Variants in SORCS1 observed in about 807,000 individuals in gnomAD.
The protein encoded by SORCS1 is sortilin related VPS10 domain containing receptor 1.
SORCS1 carries 60 observed loss-of-function variants against 146.1 expected under a neutral mutation model. The observed-to-expected ratio is 0.41, with a 90% CI of 0.33 to 0.51. The LOEUF is 0.51. SORCS1 is among the 20% of genes least tolerant of loss of function. SORCS1 has a pLI of 0.21. For synonymous variants in SORCS1, 637 were observed against 584.0 expected (o/e 1.09, Z -1.31); for missense variants, 1,352 against 1,487.6 (o/e 0.91, Z 1.50).
intron 3 of SORCS1, among the ~76,000 whole-genome samples, chr10:106,806,597 G>T (rs1456827901): frequency 1.5e-5 from 2 of 131,922 alleles, no homozygotes; most frequent in Admixed American, 8.8e-5. Context: ...GTCACTGCAA[G>T]CTCTGCCTCC....
intron 2 of SORCS1, among the ~76,000 whole-genome samples, chr10:106,951,335 C>A (rs982769199): frequency 1.3e-5 from 2 of 151,930 alleles, no homozygotes; most frequent in African/African-American, 2.4e-5. Context: ...CATGGTGAAA[C>A]CCCGTCTCTA....
At position 106,903,008 on chromosome 10, in the gene SORCS1, G is replaced by A. The variant is rs549985610; in HGVS notation, c.626+53505C>T. ...TAGGAGAATCGCTTGAACTCAGGAG[G>A]TGGAGGTTGCAGTGAATGGAGATCA... On this transcript the variant is annotated intron_variant, in intron 2 of 25. Transcript: ENST00000263054. Among the ~76,000 whole-genome samples the A allele has an allele frequency of 6.6e-4, 100 of 152,316 alleles. 1 individual carries two copies. In the South Asian group the frequency reaches 0.015, roughly 22 times the overall value.
intron 1 of SORCS1, among the ~76,000 whole-genome samples, chr10:107,041,563 T>C (rs1486514476): frequency 6.6e-6 from 1 of 152,202 alleles, no homozygotes; most frequent in Non-Finnish European, 1.5e-5. Context: ...CCACATGTGA[T>C]TTTTAATTTG....
chr10:107,003,146 T>C (rs189337565), intron 1 of SORCS1, among the ~76,000 whole-genome samples: 1 of 151,956 alleles, frequency 6.6e-6, no homozygotes, highest in African/African-American at 2.4e-5. Flanking sequence ...TCCCCGCTAC[T>C]TGGGAGGCTG....
At chr10:106,656,288 T>A (rs1850279625) in intron 17 of SORCS1, among the ~76,000 whole-genome samples, 1 of 152,230 alleles carries the variant, frequency 6.6e-6, no homozygotes, top group Non-Finnish European at 1.5e-5. Flanking sequence ...TGATGGCTCA[T>A]GCCTGCAATC....
chr10:106,599,503 T>C (rs1328950637), intron 23 of SORCS1, among the ~76,000 whole-genome samples: 2 of 152,150 alleles, frequency 1.3e-5, no homozygotes, highest in Non-Finnish European at 2.9e-5. Flanking sequence ...GGCAGAGTCT[T>C]TATAGGAATC....
At chr10:107,063,120 A>G (rs1215201816) in intron 1 of SORCS1, among the ~76,000 whole-genome samples, 1 of 152,194 alleles carries the variant, frequency 6.6e-6, no homozygotes, top group Non-Finnish European at 1.5e-5. Context: ...TCCTACATAC[A>G]TGCTTATGCA....
intron 2 of SORCS1, among the ~76,000 whole-genome samples, chr10:106,868,845 C>T (rs902493657): frequency 2.6e-5 from 4 of 152,002 alleles, no homozygotes; most frequent in Non-Finnish European, 5.9e-5. Flanking sequence ...AAAATCAGAG[C>T]TGAACTAAAG....
At position 106,776,529 on chromosome 10, in the gene SORCS1, C is replaced by T. The variant is rs1348572036; in HGVS notation, c.885+5G>A. 2 of 1,613,798 alleles carry T rather than the reference C, an allele frequency of 1.2e-6. No individual in the cohort carries two copies. Among genetic ancestry groups the T allele is most frequent in the Non-Finnish European group, 1.7e-6 (2 of 1,179,786 alleles). Reference sequence around the variant, plus strand: ...CATTGTCTCAAACAAGGTAAGTATGCTCACCTTTTGGTCTTGACTGTATGC... The same window carrying T: ...CATTGTCTCAAACAAGGTAAGTATGTTCACCTTTTGGTCTTGACTGTATGC... On this transcript the variant is annotated splice_donor_5th_base_variant and intron_variant, in intron 4 of 25. Coordinates refer to ENST00000263054, the MANE Select transcript of SORCS1 (RefSeq NM_052918.5).
chr10:107,072,817 A>G (rs1029246937), intron 1 of SORCS1, among the ~76,000 whole-genome samples: 8 of 151,784 alleles, frequency 5.3e-5, no homozygotes, highest in Non-Finnish European at 8.8e-5. Flanking sequence ...AACTAAACGC[A>G]TATCTGACCT....
intron 4 of SORCS1, among the ~76,000 whole-genome samples, chr10:106,776,078 T>C: frequency 6.6e-6 from 1 of 152,222 alleles, no homozygotes; most frequent in East Asian, 1.9e-4. Context: ...TATACATCAT[T>C]ATTGTTCCTC....
intron 1 of SORCS1, among the ~76,000 whole-genome samples, chr10:107,004,797 C>G (rs921349750): frequency 1.3e-5 from 2 of 152,114 alleles, no homozygotes; most frequent in Admixed American, 6.6e-5. Context: ...TTCATCTGCA[C>G]TCTAGTCGAG....
At position 106,849,927 on chromosome 10, in the gene SORCS1, GAGGC is replaced by G. The variant is rs890113418; in HGVS notation, c.627-20258_627-20255del. Among the ~76,000 whole-genome samples the G allele has an allele frequency of 1.4e-3, 220 of 152,246 alleles. 3 individuals carry two copies. Among genetic ancestry groups the G allele is most frequent in the African/African-American group, 2.6e-3 (106 of 41,566 alleles). The stretch of plus-strand genomic sequence containing the variant: ...GTCAGGGGTCAGGGACCCACTTGAG[GAGGC>G]AGTCTGCCCGTTCTCAGATCTCCAG... On this transcript the variant is annotated intron_variant, in intron 2 of 25. Coordinates refer to ENST00000263054, the MANE Select transcript of SORCS1 (RefSeq NM_052918.5).
chr10:106,825,299 T>C (rs1369192869), intron 3 of SORCS1, among the ~76,000 whole-genome samples: 2 of 137,328 alleles, frequency 1.5e-5, no homozygotes, highest in Non-Finnish European at 3.1e-5. Flanking sequence ...TGAGACTGAG[T>C]CTCGCTCTGT....
intron 2 of SORCS1, among the ~76,000 whole-genome samples, chr10:106,834,643 G>A (rs746945901): frequency 3.3e-5 from 5 of 151,972 alleles, no homozygotes; most frequent in African/African-American, 2.4e-5. Flanking sequence ...TGCCAGCCTG[G>A]ACTAACCATA....
intron 1 of SORCS1, among the ~76,000 whole-genome samples, chr10:107,032,487 T>C (rs969089880): frequency 3.9e-5 from 6 of 152,216 alleles, no homozygotes; most frequent in Non-Finnish European, 7.3e-5. Flanking sequence ...CTAGAGTTTC[T>C]GTTTTCTGTT....
At chr10:106,928,344 C>T (rs958949198) in intron 2 of SORCS1, among the ~76,000 whole-genome samples, 3 of 152,208 alleles carry the variant, frequency 2.0e-5, no homozygotes, top group Non-Finnish European at 4.4e-5. Context: ...GCCGCTGGCC[C>T]GGGTGCTAAG....
At chr10:106,855,089 G>A (rs1185584564) in intron 2 of SORCS1, among the ~76,000 whole-genome samples, 1 of 152,126 alleles carries the variant, frequency 6.6e-6, no homozygotes, top group Non-Finnish European at 1.5e-5. Flanking sequence ...TTGTCCGTCT[G>A]AGAAAAGTCT....
intron 5 of SORCS1, among the ~76,000 whole-genome samples, chr10:106,758,350 C>T (rs1858818788): frequency 6.6e-6 from 1 of 152,206 alleles, no homozygotes; most frequent in Non-Finnish European, 1.5e-5. Flanking sequence ...GTTCCTTTCT[C>T]TTGCCCATCC....
Sources: gnomAD v4.1 joint callset for allele counts (sites outside exome capture counted in the v4.1 genomes callset) on GRCh38, gnomAD v4.1.1 for gene constraint, MANE v1.5 for transcripts, NCBI Gene and HGNC (gene_info 2026-07-23, HGNC 2026-07-21) for gene names.